GRIA4: variants seen among roughly 807,000 people sequenced by gnomAD.
GRIA4 encodes glutamate receptor 4.
GRIA4 carries 34 observed loss-of-function variants against 104.0 expected under a neutral mutation model. The ratio of observed to expected loss-of-function variants is 0.33; its 90% CI spans 0.25 to 0.44. The LOEUF (loss-of-function observed/expected upper bound fraction) is 0.44, where lower values mean the gene tolerates loss of function less well. Among genes scored for constraint, GRIA4 ranks in the 20% least tolerant of loss-of-function variants. The pLI, the probability that GRIA4 is intolerant of heterozygous loss-of-function variation, is 1.00. For missense variants in GRIA4, 750 were observed against 1,096.5 expected (o/e 0.68, Z 4.46); for synonymous variants, 386 against 381.9 (o/e 1.01, Z -0.13).
At chr11:105,935,157 A>G (rs558324) in intron 14 of GRIA4, among the ~76,000 whole-genome samples, 207 of 152,306 alleles carry the variant, frequency 1.4e-3, no homozygotes, top group African/African-American at 4.6e-3. Context: ...AACACCAGTA[A>G]TGGAAAAGGT....
rs186930640 is a variant in GRIA4 at position 105,873,555 on chromosome 11, T to C, written c.672+11347T>C. ...CACTCCCTCCAACAGTGTAAAATTG[T>C]TTCCATTTCTCCACATCCTCGCCAG... On this transcript the variant is annotated intron_variant, in intron 5 of 16. Transcript: ENST00000282499. Among the ~76,000 whole-genome samples the C allele has an allele frequency of 1.2e-4, 18 of 152,296 alleles. 1 individual carries two copies. In the South Asian group the frequency reaches 2.5e-3, roughly 21 times the overall value.
intron 4 of GRIA4, among the ~76,000 whole-genome samples, chr11:105,816,669 T>C (rs1173209041): frequency 1.3e-5 from 2 of 152,088 alleles, no homozygotes; most frequent in Non-Finnish European, 2.9e-5. Flanking sequence ...CATAGTGTCT[T>C]ACATATTATA....
At chr11:105,690,209 A>T (rs1195187408) in intron 3 of GRIA4, among the ~76,000 whole-genome samples, 6 of 152,100 alleles carry the variant, frequency 3.9e-5, no homozygotes, top group African/African-American at 1.4e-4. Flanking sequence ...TTGGAAAGGG[A>T]GAATTCCTTG....
intron 3 of GRIA4, among the ~76,000 whole-genome samples, chr11:105,616,555 A>G (rs1019074388): frequency 1.3e-5 from 2 of 151,692 alleles, no homozygotes; most frequent in South Asian, 4.1e-4. Context: ...TAAATAATAT[A>G]ATATTTTTTT....
intron 4 of GRIA4, among the ~76,000 whole-genome samples, chr11:105,819,501 A>G (rs1943501908): frequency 6.6e-6 from 1 of 152,160 alleles, no homozygotes; most frequent in Admixed American, 6.6e-5. Flanking sequence ...ACTGAAAAAT[A>G]CAATCTTAGG....
chr11:105,790,092 A>T (rs1024320512), intron 4 of GRIA4, among the ~76,000 whole-genome samples: 10 of 152,172 alleles, frequency 6.6e-5, no homozygotes, highest in Admixed American at 1.3e-4. Flanking sequence ...GCTGTTTGCT[A>T]TTCAAAATGC....
chr11:105,696,232 T>C (rs1458695902), intron 3 of GRIA4, among the ~76,000 whole-genome samples: 1 of 152,154 alleles, frequency 6.6e-6, no homozygotes, highest in Non-Finnish European at 1.5e-5. Context: ...GCATGTTACG[T>C]ACTTGACCTT....
intron 10 of GRIA4, among the ~76,000 whole-genome samples, chr11:105,916,171 A>G (rs553869521): frequency 6.6e-6 from 1 of 152,120 alleles, no homozygotes; most frequent in African/African-American, 2.4e-5. Flanking sequence ...GTGATAGAGC[A>G]CAGCTAGACT....
chr11:105,924,277 G>A lies in GRIA4; in HGVS notation c.1477-122G>A, dbSNP rs914904295. Reference sequence around the variant, plus strand: ...CTATCACTAGGCTTATACATTGTTGGCACTCCAAAAATAAATGTAGAATAA... The same window carrying A: ...CTATCACTAGGCTTATACATTGTTGACACTCCAAAAATAAATGTAGAATAA... On this transcript the variant is annotated intron_variant, in intron 11 of 16. Transcript: ENST00000282499. 10 of 645,972 alleles carry A rather than the reference G, an allele frequency of 1.5e-5. No individual in the cohort carries two copies. The African/African-American group carries it at 1.8e-4, about 12-fold the overall frequency. 40.0% of individuals were successfully genotyped at this position (645,972 alleles called of 1,614,324 possible). A position where few individuals can be genotyped will look rare whatever the true frequency, so the allele number is the denominator to read the frequency against.
intron 3 of GRIA4, among the ~76,000 whole-genome samples, chr11:105,643,096 C>T (rs1288123347): frequency 6.6e-6 from 1 of 152,126 alleles, no homozygotes; most frequent in African/African-American, 2.4e-5. Flanking sequence ...AAACCACTCC[C>T]ATGATTCAAC....
chr11:105,718,182 C>T (rs749603053), intron 3 of GRIA4, among the ~76,000 whole-genome samples: 1 of 152,118 alleles, frequency 6.6e-6, no homozygotes, highest in Non-Finnish European at 1.5e-5. Context: ...ATATTTAAGG[C>T]TAGAACAACC....
In GRIA4 at chr11:105,910,436, T is replaced by C; in HGVS notation, c.1160T>C (p.Val387Ala). ...TCAAGCATGTTCTCTATTTGGCAGG[T>C]TGGTTACTGGAATGATATGGATAAG... Reference protein sequence around the residue: ...FELKSTGPRKVGYWNDMDKLV... With the variant: ...FELKSTGPRKAGYWNDMDKLV... Residue 387 changes from valine to alanine, a missense_variant and splice_region_variant, in exon 10 of 17, where the codon GTT (valine) becomes GCT (alanine). Transcript: ENST00000282499. 1 of 1,472,990 alleles carries C rather than the reference T, an allele frequency of 6.8e-7. No individual in the cohort carries two copies. Among genetic ancestry groups the C allele is most frequent in the Non-Finnish European group, 9.5e-7 (1 of 1,051,604 alleles). 91.2% of individuals were successfully genotyped at this position (1,472,990 alleles called of 1,614,324 possible). A position where few individuals can be genotyped will look rare whatever the true frequency, so the allele number is the denominator to read the frequency against.
chr11:105,717,941 T>C (rs930062267), intron 3 of GRIA4, among the ~76,000 whole-genome samples: 4 of 141,374 alleles, frequency 2.8e-5, no homozygotes, highest in African/African-American at 5.3e-5. Flanking sequence ...TGTAGGGACA[T>C]GGATGAAATT....
At chr11:105,711,836 C>T (rs551543067) in intron 3 of GRIA4, among the ~76,000 whole-genome samples, 1 of 152,088 alleles carries the variant, frequency 6.6e-6, no homozygotes, top group Non-Finnish European at 1.5e-5. Flanking sequence ...CATTCTGGCT[C>T]AGGAATCTAT....
At chr11:105,711,446 GA>G (rs923599447) in intron 3 of GRIA4, among the ~76,000 whole-genome samples, 33 of 151,780 alleles carry the variant, frequency 2.2e-4, no homozygotes, top group Middle Eastern at 6.8e-3. Context: ...TTTAAAAAAA[GA>G]AAAAAAATTA....
intron 3 of GRIA4, among the ~76,000 whole-genome samples, chr11:105,720,801 C>T (rs531436265): frequency 6.6e-6 from 1 of 152,304 alleles, no homozygotes; most frequent in African/African-American, 2.4e-5. Flanking sequence ...TGTGCAGCAT[C>T]ACAGATTCAG....
chr11:105,822,938 C>T (rs192146687), intron 4 of GRIA4, among the ~76,000 whole-genome samples: 10 of 152,202 alleles, frequency 6.6e-5, no homozygotes, highest in Admixed American at 5.2e-4. Flanking sequence ...ACAATTGATG[C>T]TTCTGAACAT....
chr11:105,799,796 T>C (rs2135832220), intron 4 of GRIA4, among the ~76,000 whole-genome samples: 1 of 152,154 alleles, frequency 6.6e-6, no homozygotes, highest in South Asian at 2.1e-4. Context: ...TTAAAAATCA[T>C]CTAGCAAATT....
intron 3 of GRIA4, among the ~76,000 whole-genome samples, chr11:105,667,518 A>G (rs748136836): frequency 1.3e-5 from 2 of 152,034 alleles, no homozygotes; most frequent in Non-Finnish European, 2.9e-5. Context: ...ATCTCCTTTG[A>G]GCTCTCTTCC....
Sources: allele counts gnomAD v4.1 joint callset (sites outside exome capture counted in the v4.1 genomes callset), GRCh38; gene constraint gnomAD v4.1.1; transcripts MANE v1.5; gene names NCBI Gene and HGNC (gene_info 2026-07-23, HGNC 2026-07-21).